The following CFAP47 variants were observed in gnomAD, a reference collection of about 807,000 sequenced individuals.
CFAP47 encodes cilia and flagella associated protein 47.
A neutral mutation model predicts 148.1 loss-of-function variants in CFAP47; 29 were observed. The ratio of observed to expected loss-of-function variants is 0.20; its 90% CI spans 0.15 to 0.27. CFAP47 has a LOEUF of 0.27. Among genes scored for constraint, CFAP47 ranks in the 10% least tolerant of loss-of-function variants. CFAP47 has a pLI of 1.00. For synonymous variants in CFAP47, 664 were observed against 577.3 expected (o/e 1.15, Z -2.15); for missense variants, 1,872 against 1,697.5 (o/e 1.10, Z -1.81).
rs993938545 is a variant in CFAP47, at chrX:35,971,015, G to C, written c.1970+92G>C. The stretch of plus-strand genomic sequence containing the variant: ...AACTCCTTGGTTTCTTTTTATTTTA[G>C]ATGTTGTAAACTACATTTCAATACG... On this transcript the variant is annotated intron_variant, in intron 11 of 63. Transcript: ENST00000378653. 8.7e-6 allele frequency: 6 copies of C among 689,529 alleles called. No individual in the cohort carries two copies. In the African/African-American group the frequency reaches 1.1e-4, roughly 13 times the overall value. The allele number at this position is 689,529 out of a possible 1,213,427, so 56.8% of individuals were successfully genotyped here.
intron 33 of CFAP47, among the ~76,000 whole-genome samples, chrX:36,114,120 C>T (rs754742202): frequency 6.3e-5 from 7 of 111,680 alleles, no homozygotes; most frequent in African/African-American, 2.3e-4. Flanking sequence ...CTGAGATTTT[C>T]TTTATAGCAT....
chrX:36,340,129 A>G (rs1941640494), intron 57 of CFAP47, among the ~76,000 whole-genome samples: 1 of 111,947 alleles, frequency 8.9e-6, no homozygotes, highest in African/African-American at 3.2e-5. Context: ...GTAATCCCTT[A>G]AATGCCCTTC....
chrX:36,246,170 A>G (rs1555996994), intron 48 of CFAP47, among the ~76,000 whole-genome samples: 1 of 111,955 alleles, frequency 8.9e-6, no homozygotes, highest in Non-Finnish European at 1.9e-5. Flanking sequence ...TGTTCATCCA[A>G]CAAAGGTCTA....
intron 63 of CFAP47, among the ~76,000 whole-genome samples, chrX:36,380,474 C>T (rs1942067711): frequency 1.8e-5 from 2 of 112,205 alleles, no homozygotes; most frequent in Admixed American, 9.4e-5. Context: ...GACGGAGTCT[C>T]GCTGTGTTGC....
chrX:36,176,560 G>C (rs896103012), intron 39 of CFAP47, among the ~76,000 whole-genome samples: 2 of 112,064 alleles, frequency 1.8e-5, no homozygotes, highest in Admixed American at 9.5e-5. Flanking sequence ...AGATTTGTTT[G>C]TACATTAATA....
chrX:35,962,547 T>A (rs1318922123), intron 8 of CFAP47, among the ~76,000 whole-genome samples: 1 of 111,281 alleles, frequency 9.0e-6, no homozygotes, highest in Non-Finnish European at 1.9e-5. Flanking sequence ...TTTATCATTA[T>A]AAAATGCTCT....
chrX:36,194,836 A>G (rs1410742273), intron 42 of CFAP47, among the ~76,000 whole-genome samples: 1 of 111,996 alleles, frequency 8.9e-6, no homozygotes, highest in East Asian at 2.8e-4. Flanking sequence ...ACTTCGGGAA[A>G]TACAATTCAA....
intron 42 of CFAP47, among the ~76,000 whole-genome samples, chrX:36,192,950 G>C (rs1338855025): frequency 8.9e-6 from 1 of 111,980 alleles, no homozygotes; most frequent in African/African-American, 3.2e-5. Flanking sequence ...CCAGGTAGAA[G>C]ACCCTGCAAG....
At position 35,958,477 on chromosome X, in the gene CFAP47, C is replaced by A. The variant is rs73197109; in HGVS notation, c.1410+2281C>A. Reference sequence around the variant, plus strand: ...ATACTATTTTCCAAAGTGACTATACCATTTTATATTCCTACCAGCAATAAA... The same window carrying A: ...ATACTATTTTCCAAAGTGACTATACAATTTTATATTCCTACCAGCAATAAA... On this transcript the variant is annotated intron_variant, in intron 8 of 63. Transcript: ENST00000378653. Among the ~76,000 whole-genome samples, 619 of 111,564 alleles carry A rather than the reference C, an allele frequency of 5.5e-3. 3 individuals are homozygous for A. Among genetic ancestry groups the A allele is most frequent in the Non-Finnish European group, 8.8e-3 (468 of 53,062 alleles).
Position 36,220,451 on chromosome X carries a change from A to T in CFAP47, c.6818-8177A>T, listed in dbSNP as rs186662216. On this transcript the variant is annotated intron_variant, in intron 45 of 63. Transcript: ENST00000378653. ...TATATGTTATATATATATTTTTAAG[A>T]TGTAAATTTTTCTTTAGATCATTAC... 1.1e-4 allele frequency among the ~76,000 whole-genome samples: 12 copies of T among 110,591 alleles called. No individual in the cohort carries two copies. The East Asian group carries it at 3.4e-3, about 31-fold the overall frequency.
rs1938060543 is a variant in CFAP47, at chrX:36,085,297, A to T, written c.4692-17A>T. 1 of 1,051,561 alleles carries T rather than the reference A, an allele frequency of 9.5e-7. No homozygotes were observed. Among genetic ancestry groups the T allele is most frequent in the Non-Finnish European group, 1.3e-6 (1 of 756,421 alleles). 86.7% of individuals were successfully genotyped at this position (1,051,561 alleles called of 1,213,427 possible). A position where few individuals can be genotyped will look rare whatever the true frequency, so the allele number is the denominator to read the frequency against. On this transcript the variant is annotated splice_polypyrimidine_tract_variant and intron_variant, in intron 29 of 63. Transcript: ENST00000378653. Reference sequence around the variant, plus strand: ...ACATTTTGAGACTGTTTTTAATTTTAAGTCTTTTTCTCATAGGGATGTATA... The same window carrying T: ...ACATTTTGAGACTGTTTTTAATTTTTAGTCTTTTTCTCATAGGGATGTATA...
chrX:36,026,232 T>A (rs775895773), intron 22 of CFAP47, among the ~76,000 whole-genome samples: 1 of 112,069 alleles, frequency 8.9e-6, no homozygotes, highest in East Asian at 2.8e-4. Flanking sequence ...GTCAGACACA[T>A]CTTCCAAATT....
intron 8 of CFAP47, among the ~76,000 whole-genome samples, chrX:35,963,801 C>G (rs1936365820): frequency 9.0e-6 from 1 of 111,370 alleles, no homozygotes; most frequent in Admixed American, 9.5e-5. Flanking sequence ...ATAAAACAGT[C>G]TCATTCACAT....
intron 56 of CFAP47, among the ~76,000 whole-genome samples, chrX:36,316,701 T>C (rs1321102313): frequency 8.9e-6 from 1 of 112,384 alleles, no homozygotes; most frequent in Admixed American, 9.4e-5. Context: ...CTAATTCATC[T>C]TTTTTGTGTT....
chrX:35,940,696 C>T (rs1017839882), intron 2 of CFAP47, among the ~76,000 whole-genome samples: 5 of 111,088 alleles, frequency 4.5e-5, no homozygotes, highest in Non-Finnish European at 9.4e-5. Context: ...TGTGGAGATT[C>T]CTAAGAAATT....
chrX:35,942,224 T>C (rs780949259), intron 3 of CFAP47, among the ~76,000 whole-genome samples: 17 of 111,542 alleles, frequency 1.5e-4, no homozygotes, highest in Non-Finnish European at 3.0e-4. Context: ...CTGAGACTGT[T>C]TGTTGAATAT....
intron 21 of CFAP47, 146 bp downstream of exon 21, chrX:36,001,853 C>T (rs1005615698): frequency 2.8e-5 from 7 of 249,673 alleles, no homozygotes; most frequent in African/African-American, 1.1e-4. Context: ...TTCAGTAAAA[C>T]GATTGCTGGA....
At chrX:36,116,914 C>A (rs749987087) in intron 33 of CFAP47, among the ~76,000 whole-genome samples, 37 of 111,635 alleles carry the variant, frequency 3.3e-4, no homozygotes, top group African/African-American at 1.1e-3. Flanking sequence ...ACTACTCTCC[C>A]TAGCCTCTGG....
At chrX:36,198,706 G>A (rs1009606509) in intron 42 of CFAP47, among the ~76,000 whole-genome samples, 2 of 111,385 alleles carry the variant, frequency 1.8e-5, no homozygotes, top group African/African-American at 6.5e-5. Context: ...CAGTCTTAAG[G>A]TCTCTGTTGT....
Sources: gnomAD v4.1 joint callset for allele counts (sites outside exome capture counted in the v4.1 genomes callset) on GRCh38, gnomAD v4.1.1 for gene constraint, MANE v1.5 for transcripts, NCBI Gene and HGNC (gene_info 2026-07-23, HGNC 2026-07-21) for gene names.